Variants in EPHB2 observed in about 807,000 individuals in gnomAD.
The protein encoded by EPHB2 is ephrin type-B receptor 2.
Under a neutral mutation model 96.4 loss-of-function variants are expected in EPHB2, and 18 were observed. The ratio of observed to expected loss-of-function variants is 0.19; its 90% confidence interval spans 0.13 to 0.28. The LOEUF is 0.28. Among genes scored for constraint, EPHB2 ranks in the 10% least tolerant of loss-of-function variants. EPHB2 has a pLI of 1.00. For missense variants in EPHB2, 989 were observed against 1,355.4 expected, an observed-to-expected ratio of 0.73 and a Z score of 4.25; for synonymous variants, 506 against 534.1, an observed-to-expected ratio of 0.95 and a Z score of 0.72.
intron 9 of EPHB2, 49 bp from the exon 10 acceptor site, chr1:22,905,938 T>C: frequency 6.2e-7 from 1 of 1,613,834 alleles, no homozygotes; most frequent in Non-Finnish European, 8.5e-7. Flanking sequence ...TTCCTTTTTG[T>C]GTGCATCTTG....
chr1:22,782,247 G>A (rs1037826790), intron 2 of EPHB2, among the ~76,000 whole-genome samples: 7 of 152,164 alleles, frequency 4.6e-5, no homozygotes, highest in African/African-American at 7.2e-5. Context: ...AGACTGTTGC[G>A]AGGTTTTCCT....
intron 3 of EPHB2, among the ~76,000 whole-genome samples, chr1:22,812,142 G>A (rs1468749610): frequency 6.6e-6 from 1 of 152,196 alleles, no homozygotes; most frequent in Non-Finnish European, 1.5e-5. Context: ...TGAAATGGAG[G>A]CGCCACATCT....
chr1:22,753,076 T>A (rs1275812971), intron 1 of EPHB2, among the ~76,000 whole-genome samples: 1 of 150,228 alleles, frequency 6.7e-6, no homozygotes, highest in South Asian at 2.1e-4. Flanking sequence ...CCACTACACC[T>A]GGCCCAGGCT....
At chr1:22,792,047 A>G (rs1450357984) in intron 3 of EPHB2, among the ~76,000 whole-genome samples, 2 of 152,178 alleles carry the variant, frequency 1.3e-5, no homozygotes, top group African/African-American at 4.8e-5. Flanking sequence ...GTTTCACTCC[A>G]GAATCCTGTG....
chr1:22,819,718 A>G (rs887618424), intron 3 of EPHB2, among the ~76,000 whole-genome samples: 5 of 152,128 alleles, frequency 3.3e-5, no homozygotes, highest in African/African-American at 9.7e-5. Flanking sequence ...GTAATTGCCA[A>G]TCAATTTCCT....
At chr1:22,756,610 C>A (rs1027680225) in intron 1 of EPHB2, among the ~76,000 whole-genome samples, 1 of 152,080 alleles carries the variant, frequency 6.6e-6, no homozygotes, top group Non-Finnish European at 1.5e-5. Context: ...TGTGAGGCAG[C>A]CCTGGTGGGA....
At chr1:22,888,655 C>G (rs988649584) in intron 6 of EPHB2, among the ~76,000 whole-genome samples, 2 of 152,154 alleles carry the variant, frequency 1.3e-5, no homozygotes, top group African/African-American at 4.8e-5. Context: ...ATAAAGGTAC[C>G]CCAGGGAGAG....
intron 3 of EPHB2, among the ~76,000 whole-genome samples, chr1:22,814,871 G>C (rs986743867): frequency 1.3e-5 from 2 of 152,206 alleles, no homozygotes; most frequent in African/African-American, 4.8e-5. Flanking sequence ...AATGCACGCC[G>C]GCTCATCTGG....
chr1:22,765,538 C>A (rs1644295810), intron 1 of EPHB2, among the ~76,000 whole-genome samples: 1 of 99,942 alleles, frequency 1.0e-5, no homozygotes, highest in African/African-American at 4.0e-5. Flanking sequence ...CAGAGAGAGA[C>A]CCTGTCGCAA....
At chr1:22,721,112 T>A (rs1323446912) in intron 1 of EPHB2, among the ~76,000 whole-genome samples, 1 of 152,024 alleles carries the variant, frequency 6.6e-6, no homozygotes, top group Admixed American at 6.5e-5. Flanking sequence ...TGGCCAGAGG[T>A]CATCGCAGGA....
At chr1:22,743,713 TCTC>T (rs1054146345) in intron 1 of EPHB2, among the ~76,000 whole-genome samples, 4 of 152,190 alleles carry the variant, frequency 2.6e-5, no homozygotes, top group Admixed American at 6.5e-5. Context: ...CCTCAAGTGA[TCTC>T]CTCACCTTGG....
chr1:22,723,082 A>G (rs996987296), intron 1 of EPHB2, among the ~76,000 whole-genome samples: 7 of 152,216 alleles, frequency 4.6e-5, no homozygotes, highest in Admixed American at 2.6e-4. Flanking sequence ...CGTGGGGTCA[A>G]CATTCCCATT....
At chr1:22,795,122 C>A (rs1418325679) in intron 3 of EPHB2, among the ~76,000 whole-genome samples, 1 of 152,150 alleles carries the variant, frequency 6.6e-6, no homozygotes, top group African/African-American at 2.4e-5. Context: ...TCCTCACTCC[C>A]CCCACCCTAA....
At chr1:22,864,850 C>T in intron 4 of EPHB2, 27 bp from the exon 5 acceptor site, 1 of 1,538,534 alleles carries the variant, frequency 6.5e-7, no homozygotes, top group Non-Finnish European at 8.9e-7. Flanking sequence ...GAGCCCCCCA[C>T]TGACCAACAC....
At chr1:22,766,701 G>A (rs1285808441) in intron 1 of EPHB2, among the ~76,000 whole-genome samples, 1 of 152,208 alleles carries the variant, frequency 6.6e-6, no homozygotes, top group Non-Finnish European at 1.5e-5. Context: ...CATCAGAGAA[G>A]CATCCTGTCC....
chr1:22,855,487 GC>G (rs929159024), intron 3 of EPHB2, among the ~76,000 whole-genome samples: 5 of 152,194 alleles, frequency 3.3e-5, no homozygotes, highest in African/African-American at 4.8e-5. Context: ...CAGGGCTGAG[GC>G]TTTTTGTTTC....
rs537446551 is a variant in EPHB2, at chr1:22,846,014, C to A, written c.812-17023C>A. Among the ~76,000 whole-genome samples the A allele has an allele frequency of 6.6e-6, 1 of 152,200 alleles. No individual in the cohort carries two copies. Among genetic ancestry groups the A allele is most frequent in the South Asian group, 2.1e-4 (1 of 4,818 alleles). The stretch of plus-strand genomic sequence containing the variant: ...TATTTTAAAGTAACTTGTTAAGAAG[C>A]CATTTGGCCCTGGGAAAGTTTGGGA... On this transcript the variant is annotated intron_variant, in intron 3 of 15. Transcript: ENST00000374630. This position sits in a 1 kb window ranked among gnomAD's most constrained non-coding sequence, Gnocchi z 4.3.
intron 1 of EPHB2, among the ~76,000 whole-genome samples, chr1:22,770,659 C>T (rs983521620): frequency 2.0e-5 from 3 of 152,144 alleles, no homozygotes; most frequent in African/African-American, 7.2e-5. Context: ...TAAAAGAGTA[C>T]CTGGTTCAGC....
intron 1 of EPHB2, among the ~76,000 whole-genome samples, chr1:22,759,923 G>A (rs1313328977): frequency 6.6e-6 from 1 of 152,182 alleles, no homozygotes; most frequent in East Asian, 1.9e-4. Flanking sequence ...GGGGAGGCGA[G>A]TGGAGAGGCT....
Sources: allele counts gnomAD v4.1 joint callset (sites outside exome capture counted in the v4.1 genomes callset), GRCh38; gene constraint gnomAD v4.1.1; non-coding constraint Gnocchi (gnomAD v3.1); transcripts MANE v1.5; gene names NCBI Gene and HGNC (gene_info 2026-07-23, HGNC 2026-07-21).